Variants in CFAP299 observed in about 807,000 individuals in gnomAD.
The protein encoded by CFAP299 is cilia- and flagella-associated protein 299.
A neutral mutation model predicts 27.0 loss-of-function variants in CFAP299; 21 were observed. The ratio of observed to expected loss-of-function variants is 0.78; its 90% CI spans 0.55 to 1.12. CFAP299 has a LOEUF of 1.12. CFAP299 is among the 50% of genes most tolerant of loss of function. The pLI, the probability that CFAP299 is intolerant of heterozygous loss-of-function variation, is 0.00. For synonymous variants in CFAP299, 104 were observed against 98.1 expected, an observed-to-expected ratio of 1.06 and a Z score of -0.36; for missense variants, 310 against 276.6, an observed-to-expected ratio of 1.12 and a Z score of -0.86.
chr4:80,819,346 G>A (rs1243451782), intron 3 of CFAP299, among the ~76,000 whole-genome samples: 1 of 152,108 alleles, frequency 6.6e-6, no homozygotes, highest in African/African-American at 2.4e-5. Flanking sequence ...ATGACCTAGG[G>A]CTTCTGGTTA....
At chr4:80,348,527 A>T (rs1722859635) in intron 1 of CFAP299, among the ~76,000 whole-genome samples, 1 of 152,166 alleles carries the variant, frequency 6.6e-6, no homozygotes, top group Admixed American at 6.6e-5. Flanking sequence ...ACAAACATAT[A>T]AAAAAAGCTC....
chr4:80,735,963 G>A (rs1429770112), intron 3 of CFAP299, among the ~76,000 whole-genome samples: 1 of 151,812 alleles, frequency 6.6e-6, no homozygotes, highest in African/African-American at 2.4e-5. Flanking sequence ...AATTACCTTG[G>A]GAGTATTCCT....
intron 4 of CFAP299, among the ~76,000 whole-genome samples, chr4:80,929,070 G>T (rs777945533): frequency 6.6e-6 from 1 of 152,046 alleles, no homozygotes; most frequent in Admixed American, 6.6e-5. Context: ...AAAAATTTCC[G>T]TTCATAGAAA....
At chr4:80,883,671 A>T (rs72865172) in intron 4 of CFAP299, among the ~76,000 whole-genome samples, 5,555 of 152,158 alleles carry the variant, frequency 0.037, 245 homozygotes, top group African/African-American at 0.11. Flanking sequence ...TATATAGAAA[A>T]TTTTCACAAG....
intron 2 of CFAP299, among the ~76,000 whole-genome samples, chr4:80,397,073 A>C (rs1276885431): frequency 1.3e-5 from 2 of 150,234 alleles, no homozygotes; most frequent in Non-Finnish European, 3.0e-5. Flanking sequence ...TTATTGGTCT[A>C]TTCGGGGATT....
intron 2 of CFAP299, among the ~76,000 whole-genome samples, chr4:80,564,547 T>C (rs1735190384): frequency 6.6e-6 from 1 of 151,952 alleles, no homozygotes; most frequent in Non-Finnish European, 1.5e-5. Flanking sequence ...ATAAAAGCCA[T>C]GTATGAAGAT....
chr4:80,450,899 G>T (rs1578458931), intron 2 of CFAP299, among the ~76,000 whole-genome samples: 1 of 150,748 alleles, frequency 6.6e-6, no homozygotes, highest in East Asian at 2.0e-4. Flanking sequence ...GTGTGTGTGT[G>T]TGTGTGTGTG....
chr4:80,846,507 G>C (rs890434630), intron 3 of CFAP299, among the ~76,000 whole-genome samples: 9 of 151,978 alleles, frequency 5.9e-5, no homozygotes, highest in African/African-American at 2.2e-4. Context: ...GATACAGATG[G>C]GTTTTTAAAT....
chr4:80,667,839 G>A lies in CFAP299; in HGVS notation c.333+84656G>A, dbSNP rs184779258. Among the ~76,000 whole-genome samples, 32 of 152,172 alleles carry A rather than the reference G, an allele frequency of 2.1e-4. No individual in the cohort carries two copies. The East Asian group carries it at 5.4e-3, about 26-fold the overall frequency. ...TTCCTTTATTTTTGATGTATACTCA[G>A]TAGTGTAATTGCTGAATCATATGGA... On this transcript the variant is annotated intron_variant, in intron 3 of 5. Transcript: ENST00000358105.
chr4:80,704,865 G>A (rs1318073728), intron 3 of CFAP299, among the ~76,000 whole-genome samples: 2 of 151,790 alleles, frequency 1.3e-5, no homozygotes, highest in Non-Finnish European at 2.9e-5. Flanking sequence ...TATGTAAATT[G>A]TCAATTTAGA....
At chr4:80,386,380 C>T (rs894382761) in intron 2 of CFAP299, 46 of 1,511,768 alleles carry the variant, frequency 3.0e-5, no homozygotes, top group African/African-American at 4.1e-5. Context: ...TTGCCCGGGA[C>T]GGCCTCGGGC....
At chr4:80,789,900 A>G (rs1392944188) in intron 3 of CFAP299, among the ~76,000 whole-genome samples, 1 of 152,062 alleles carries the variant, frequency 6.6e-6, no homozygotes, top group Non-Finnish European at 1.5e-5. Flanking sequence ...TAAACAAATG[A>G]AATATGTCTT....
intron 4 of CFAP299, among the ~76,000 whole-genome samples, chr4:80,925,882 G>A (rs1736280011): frequency 1.3e-5 from 2 of 152,176 alleles, no homozygotes; most frequent in East Asian, 1.9e-4. Context: ...GTCCAATAAG[G>A]TGTTGTTCCT....
At chr4:80,386,832 G>A in intron 2 of CFAP299, 2 of 896,218 alleles carry the variant, frequency 2.2e-6, no homozygotes, top group Non-Finnish European at 3.8e-6. Context: ...AAGGGCTGGT[G>A]GATCAACATG....
At chr4:80,878,386 T>A (rs1304707530) in intron 4 of CFAP299, among the ~76,000 whole-genome samples, 1 of 152,118 alleles carries the variant, frequency 6.6e-6, no homozygotes, top group East Asian at 1.9e-4. Flanking sequence ...CTTCATTTTG[T>A]TCAGTATAAA....
chr4:80,630,167 T>A (rs965229296), intron 3 of CFAP299, among the ~76,000 whole-genome samples: 1 of 152,174 alleles, frequency 6.6e-6, no homozygotes, highest in South Asian at 2.1e-4. Context: ...TACTTTGAAC[T>A]GACCTTCCAG....
chr4:80,653,935 A>G (rs1455049716), intron 3 of CFAP299, among the ~76,000 whole-genome samples: 1 of 152,098 alleles, frequency 6.6e-6, no homozygotes, highest in Non-Finnish European at 1.5e-5. Context: ...TTGTTCATAC[A>G]TCTTTAATAT....
chr4:80,952,934 T>G (rs1228261295), intron 5 of CFAP299, among the ~76,000 whole-genome samples: 2 of 152,150 alleles, frequency 1.3e-5, no homozygotes, highest in Non-Finnish European at 2.9e-5. Context: ...GAAATTGATC[T>G]TCTCAAAACG....
intron 3 of CFAP299, among the ~76,000 whole-genome samples, chr4:80,811,660 C>T (rs967634307): frequency 6.6e-6 from 1 of 152,120 alleles, no homozygotes; most frequent in Non-Finnish European, 1.5e-5. Context: ...GTTGTATCTG[C>T]TTTGTGTTCA....
Sources: gnomAD v4.1 joint callset for allele counts (sites outside exome capture counted in the v4.1 genomes callset) on GRCh38, gnomAD v4.1.1 for gene constraint, MANE v1.5 for transcripts, NCBI Gene and HGNC (gene_info 2026-07-23, HGNC 2026-07-21) for gene names.